Variants in TTC7B observed in about 807,000 individuals in gnomAD.
TTC7B encodes the protein tetratricopeptide repeat protein 7B.
TTC7B carries 28 observed loss-of-function variants against 106.8 expected under a neutral mutation model. That is an observed-to-expected ratio of 0.26 (90% CI 0.19 to 0.36). The LOEUF is 0.36. Among genes scored for constraint, TTC7B ranks in the 10% least tolerant of loss-of-function variants. The pLI, the probability that TTC7B is intolerant of heterozygous loss-of-function variation, is 1.00. For missense variants in TTC7B, 862 were observed against 1,076.4 expected, an observed-to-expected ratio of 0.80 and a Z score of 2.79; for synonymous variants, 405 against 430.6, an observed-to-expected ratio of 0.94 and a Z score of 0.74.
intron 17 of TTC7B, among the ~76,000 whole-genome samples, chr14:90,605,053 C>T (rs1324201421): frequency 6.6e-6 from 1 of 152,114 alleles, no homozygotes; most frequent in Non-Finnish European, 1.5e-5. Flanking sequence ...CCAGGCCCCA[C>T]CTCAGGCCTA....
intron 16 of TTC7B, among the ~76,000 whole-genome samples, chr14:90,611,060 A>G (rs980895577): frequency 6.6e-6 from 1 of 152,154 alleles, no homozygotes; most frequent in African/African-American, 2.4e-5. Flanking sequence ...AACCACACCC[A>G]CAGACCCTGG....
chr14:90,689,852 G>A (rs1003427319), intron 6 of TTC7B, 140 bp from the exon 7 acceptor site: 6 of 888,692 alleles, frequency 6.8e-6, no homozygotes, highest in South Asian at 2.1e-5. Flanking sequence ...TTTCCTTTAC[G>A]ATGGTAATCA....
chr14:90,811,041 A>C (rs1298136818), intron 1 of TTC7B, among the ~76,000 whole-genome samples: 1 of 152,194 alleles, frequency 6.6e-6, no homozygotes, highest in African/African-American at 2.4e-5. Context: ...GACGAGCTGC[A>C]CAGCCCCAGC....
At chr14:90,571,019 T>G (rs1457230633) in intron 19 of TTC7B, among the ~76,000 whole-genome samples, 4 of 152,070 alleles carry the variant, frequency 2.6e-5, no homozygotes, top group African/African-American at 7.3e-5. Context: ...CACACCAACA[T>G]ACGATTTCAC....
At chr14:90,637,166 G>A (rs972766494) in intron 15 of TTC7B, among the ~76,000 whole-genome samples, 1 of 151,582 alleles carries the variant, frequency 6.6e-6, no homozygotes, top group Non-Finnish European at 1.5e-5. Context: ...GAAATAAGGT[G>A]CATTAAACAA....
chr14:90,570,153 C>T lies in TTC7B; in HGVS notation c.2310+7953G>A, dbSNP rs746306622. On this transcript the variant is annotated intron_variant, in intron 19 of 19. Transcript: ENST00000328459. The surrounding 1 kb of genome is among the most constrained non-coding windows in gnomAD (Gnocchi z 4.0). ...GTACCCAGCACACTGAGTGAGAGCCCCACTTACAGCCTAGCAGGGCCTCCC... is the reference window on the plus strand; with the variant it reads ...GTACCCAGCACACTGAGTGAGAGCCTCACTTACAGCCTAGCAGGGCCTCCC... Among the ~76,000 whole-genome samples, 22 of 152,178 alleles carry T rather than the reference C, an allele frequency of 1.4e-4. No homozygotes were observed. Among genetic ancestry groups the T allele is most frequent in the African/African-American group, 3.1e-4 (13 of 41,440 alleles).
At chr14:90,695,264 TCA>T (rs1260227071) in intron 6 of TTC7B, among the ~76,000 whole-genome samples, 54 of 146,542 alleles carry the variant, frequency 3.7e-4, no homozygotes, top group African/African-American at 1.2e-3. Context: ...CATATATATG[TCA>T]CACATACAAT....
intron 4 of TTC7B, among the ~76,000 whole-genome samples, chr14:90,741,621 C>T (rs2139999367): frequency 6.6e-6 from 1 of 152,224 alleles, no homozygotes; most frequent in Admixed American, 6.5e-5. Flanking sequence ...GTTTTCAATT[C>T]AACATAATTC....
intron 1 of TTC7B, among the ~76,000 whole-genome samples, chr14:90,809,235 C>G (rs1421488091): frequency 6.6e-6 from 1 of 152,242 alleles, no homozygotes; most frequent in Non-Finnish European, 1.5e-5. Flanking sequence ...ACTACTTCTT[C>G]CCTTTTAAGC....
chr14:90,733,621 C>G lies in TTC7B; in HGVS notation c.577-3425G>C, dbSNP rs1190310664. Among the ~76,000 whole-genome samples the G allele has an allele frequency of 5.9e-5, 9 of 152,226 alleles. No homozygotes were observed. In the South Asian group the frequency reaches 1.4e-3, roughly 24 times the overall value. On this transcript the variant is annotated intron_variant, in intron 4 of 19. Coordinates refer to ENST00000328459, the MANE Select transcript of TTC7B (RefSeq NM_001010854.2). ...CCACCACTTGTTCTGTGGATAAACA[C>G]TTCCAGCGAGGAGACTGCCAACAAG... is the stretch of plus-strand genomic sequence containing the variant.
chr14:90,770,602 G>A (rs1400172150), intron 3 of TTC7B, among the ~76,000 whole-genome samples: 4 of 150,350 alleles, frequency 2.7e-5, no homozygotes, highest in East Asian at 2.0e-4. Flanking sequence ...GCGGTGAGCC[G>A]AGATCACGCC....
In TTC7B at chr14:90,663,446, TA is replaced by T. The variant is rs1272159217; in HGVS notation, c.1153-5060del. Among the ~76,000 whole-genome samples, 1 of 132,936 alleles carries T rather than the reference TA, an allele frequency of 7.5e-6. No individual in the cohort carries two copies. The highest frequency in any genetic ancestry group is 1.6e-5 in the Non-Finnish European group (1 of 61,360). The allele number at this position is 132,936 out of a possible 152,430, so 87.2% of individuals were successfully genotyped here. Reference sequence around the variant, plus strand: ...TTGAACTGTTTCAGAGACTCAGCGATATGGTTTTTTTTTTGCTGCTAATGGG... The same window carrying T: ...TTGAACTGTTTCAGAGACTCAGCGATTGGTTTTTTTTTTGCTGCTAATGGG... On this transcript the variant is annotated intron_variant, in intron 9 of 19. Coordinates refer to ENST00000328459, the MANE Select transcript of TTC7B (RefSeq NM_001010854.2). The surrounding 1 kb of genome is among the most constrained non-coding windows in gnomAD (Gnocchi z 4.5).
intron 1 of TTC7B, among the ~76,000 whole-genome samples, chr14:90,790,084 A>G (rs1403441327): frequency 6.6e-6 from 1 of 152,074 alleles, no homozygotes; most frequent in East Asian, 1.9e-4. Context: ...GGGATATCAT[A>G]TTGGACAGCA....
At chr14:90,733,565 T>C (rs766120651) in intron 4 of TTC7B, among the ~76,000 whole-genome samples, 4 of 152,220 alleles carry the variant, frequency 2.6e-5, no homozygotes, top group Non-Finnish European at 5.9e-5. Flanking sequence ...CACATGGGCC[T>C]GGGCAGAAGC....
chr14:90,620,676 G>A (rs1473441885), intron 15 of TTC7B, among the ~76,000 whole-genome samples: 6 of 152,202 alleles, frequency 3.9e-5, no homozygotes, highest in Non-Finnish European at 7.4e-5. Context: ...CCCAGAGGAG[G>A]TGCCTGCCCC....
At chr14:90,542,804 C>G (rs1889664309) in intron 19 of TTC7B, among the ~76,000 whole-genome samples, 1 of 152,166 alleles carries the variant, frequency 6.6e-6, no homozygotes, top group African/African-American at 2.4e-5. Flanking sequence ...GGGGGAGGAT[C>G]AGTGGAACGG....
At chr14:90,811,432 G>C (rs2030896185) in intron 1 of TTC7B, among the ~76,000 whole-genome samples, 1 of 152,184 alleles carries the variant, frequency 6.6e-6, no homozygotes. Flanking sequence ...CCTCAGTCCT[G>C]TTTCCAGAGA....
chr14:90,607,050 G>T (rs1892670190), intron 17 of TTC7B, among the ~76,000 whole-genome samples: 1 of 152,202 alleles, frequency 6.6e-6, no homozygotes, highest in Non-Finnish European at 1.5e-5. Context: ...GGAAAAGCAA[G>T]TGTGGGACAG....
At chr14:90,718,282 T>G (rs1888738989) in intron 5 of TTC7B, among the ~76,000 whole-genome samples, 1 of 152,220 alleles carries the variant, frequency 6.6e-6, no homozygotes, top group African/African-American at 2.4e-5. Flanking sequence ...TTAGGCACCC[T>G]CCTCGGAAGG....
Sources: allele counts gnomAD v4.1 joint callset (sites outside exome capture counted in the v4.1 genomes callset), GRCh38; gene constraint gnomAD v4.1.1; non-coding constraint Gnocchi (gnomAD v3.1); transcripts MANE v1.5; gene names NCBI Gene and HGNC (gene_info 2026-07-23, HGNC 2026-07-21).